UBN1: variants seen among roughly 807,000 people sequenced by gnomAD.
UBN1 encodes ubinuclein-1.
Under a neutral mutation model 108.5 loss-of-function variants are expected in UBN1, and 17 were observed. The observed-to-expected ratio is 0.16, with a 90% CI of 0.11 to 0.24. The LOEUF (loss-of-function observed/expected upper bound fraction) is 0.24. UBN1 is among the 10% of genes least tolerant of loss of function. The probability of loss-of-function intolerance (pLI) is 1.00; values close to 1 mark genes in which losing one functional copy is unlikely to be tolerated. For missense variants in UBN1, 1,595 were observed against 1,394.4 expected (o/e 1.14, Z -2.29); for synonymous variants, 726 against 564.2 (o/e 1.29, Z -4.07).
At chr16:4,856,394 G>A (rs549297245) in intron 2 of UBN1, among the ~76,000 whole-genome samples, 1 of 152,206 alleles carries the variant, frequency 6.6e-6, no homozygotes, top group Non-Finnish European at 1.5e-5. Context: ...TTGTGCAGCA[G>A]TTCTTTTAGT....
Position 4,876,880 on chromosome 16 carries a change from A to C in UBN1, c.3034A>C (p.Ser1012Arg), listed in dbSNP as rs768112665. The C allele has an allele frequency of 1.2e-6, 2 of 1,603,798 alleles. No homozygotes were observed. Among genetic ancestry groups the C allele is most frequent in the Non-Finnish European group, 8.5e-7 (1 of 1,174,348 alleles). Residue 1012 changes from serine to arginine, a missense_variant, in exon 16 of 18, where the codon AGT (serine) becomes CGT (arginine). This residue lies in a region of UBN1 where 1,398 missense variants were observed against 1,194.7 expected (regional missense o/e 1.17). Coordinates refer to ENST00000262376, the MANE Select transcript of UBN1 (RefSeq NM_001079514.3). ...TGTGTTTCTTCCCTAGAAAGGAGCG[A>C]GTGGGACTGTGCTGCTGGCCGGCTC... ...TSSTSLSKGA[S>R]GTVLLAGSSL...
intron 1 of UBN1, among the ~76,000 whole-genome samples, chr16:4,850,036 T>A (rs956886896): frequency 6.6e-6 from 1 of 151,674 alleles, no homozygotes; most frequent in African/African-American, 2.4e-5. Flanking sequence ...AAATGTAAGT[T>A]TTTTTTAAGC....
chr16:4,856,400 T>G (rs1225504923), intron 2 of UBN1, among the ~76,000 whole-genome samples: 1 of 152,228 alleles, frequency 6.6e-6, no homozygotes, highest in Admixed American at 6.5e-5. Context: ...AGCAGTTCTT[T>G]TAGTGTATAG....
intron 14 of UBN1, 149 bp from the exon 15 acceptor site, chr16:4,874,062 C>T: frequency 2.0e-6 from 2 of 995,432 alleles, no homozygotes; most frequent in Non-Finnish European, 2.8e-6. Flanking sequence ...AAGGCGGGCA[C>T]AGCTCCTGCT....
chr16:4,871,481 C>A (rs1463477289), intron 12 of UBN1, among the ~76,000 whole-genome samples, 180 bp downstream of exon 12: 1 of 151,958 alleles, frequency 6.6e-6, no homozygotes, highest in Non-Finnish European at 1.5e-5. Flanking sequence ...CTGGATCTTC[C>A]CTGGAGGAAG....
intron 1 of UBN1, among the ~76,000 whole-genome samples, chr16:4,851,490 T>A (rs749257251): frequency 5.3e-5 from 8 of 151,858 alleles, no homozygotes; most frequent in Non-Finnish European, 7.4e-5. Context: ...TTCTATAAGA[T>A]CTGGTTGGAG....
intron 12 of UBN1, among the ~76,000 whole-genome samples, chr16:4,871,800 A>C (rs558655605): frequency 6.6e-6 from 1 of 151,792 alleles, no homozygotes; most frequent in South Asian, 2.1e-4. Flanking sequence ...GTTAGCCAGG[A>C]TGGTCTCAAT....
At chr16:4,853,474 A>T (rs2086648298) in intron 2 of UBN1, among the ~76,000 whole-genome samples, 1 of 152,098 alleles carries the variant, frequency 6.6e-6, no homozygotes, top group African/African-American at 2.4e-5. Flanking sequence ...TTCATGCTGG[A>T]CATTTTCCTC....
At chr16:4,869,213 GAGA>G (rs1272945911) in intron 8 of UBN1, among the ~76,000 whole-genome samples, 3 of 152,178 alleles carry the variant, frequency 2.0e-5, no homozygotes, top group South Asian at 4.1e-4. Context: ...TGAGGAGAGA[GAGA>G]AGGTGTTGCC....
Position 4,860,786 on chromosome 16 carries a change from A to C in UBN1, c.794A>C (p.Glu265Ala). The C allele has an allele frequency of 6.2e-7, 1 of 1,614,268 alleles. No homozygotes were observed. Among genetic ancestry groups the C allele is most frequent in the Non-Finnish European group, 8.5e-7 (1 of 1,180,054 alleles). The change falls in exon 7 of 18, where the codon GAG becomes GCG. Residue 265 changes from glutamate to alanine, a missense_variant. By Grantham distance (107) the Glu-to-Ala change is moderately radical. This residue lies in a region of UBN1 where 1,398 missense variants were observed against 1,194.7 expected (regional missense o/e 1.17). Transcript: ENST00000262376. ...EKEAQKKREEEHKPVAVPSAE... is the reference protein window; with the variant it reads ...EKEAQKKREEAHKPVAVPSAE... ...GAGGCTCAGAAAAAAAGGGAGGAGGAGCATAAGCCTGTTGCGGTCCCATCA... is the reference window on the plus strand; with the variant it reads ...GAGGCTCAGAAAAAAAGGGAGGAGGCGCATAAGCCTGTTGCGGTCCCATCA...
intron 7 of UBN1, among the ~76,000 whole-genome samples, chr16:4,868,095 G>C (rs2087425560): frequency 6.6e-6 from 1 of 152,168 alleles, no homozygotes; most frequent in African/African-American, 2.4e-5. Context: ...ATTCCAATAT[G>C]CAACCAAGTG....
At chr16:4,849,667 C>G (rs2086443796) in intron 1 of UBN1, among the ~76,000 whole-genome samples, 1 of 151,668 alleles carries the variant, frequency 6.6e-6, no homozygotes, top group Non-Finnish European at 1.5e-5. Context: ...TCACGGCTCA[C>G]TGCAGCCTGG....
Position 4,877,106 on chromosome 16 carries a change from G to A in UBN1, c.3260G>A (p.Gly1087Asp). ...PAPGSFHHGL[G>D]HSLLAGLHSS... ...CCCGGGTCCTTCCACCATGGCCTTGGCCACAGTAAGTGCTTCTTTGCTGCC... is the reference window on the plus strand; with the variant it reads ...CCCGGGTCCTTCCACCATGGCCTTGACCACAGTAAGTGCTTCTTTGCTGCC... The change falls in exon 16 of 18, where the codon GGC (glycine) becomes GAC (aspartate). Residue 1087 changes from glycine to aspartate, a missense_variant. Around this residue, in one of 3 missense-constraint regions of UBN1, gnomAD observed 1,398 missense variants for 1,194.7 expected, o/e 1.17. Transcript: ENST00000262376. This position sits in a 1 kb window ranked among gnomAD's most constrained non-coding sequence, Gnocchi z 4.3. 6.2e-7 allele frequency: 1 copy of A among 1,607,790 alleles called. No individual in the cohort carries two copies. The highest frequency in any genetic ancestry group is 8.5e-7 in the Non-Finnish European group (1 of 1,177,204).
At chr16:4,879,571 C>G (rs1001750257) in intron 17 of UBN1, among the ~76,000 whole-genome samples, 2 of 152,236 alleles carry the variant, frequency 1.3e-5, no homozygotes, top group African/African-American at 4.8e-5. Flanking sequence ...TGGACTTCAG[C>G]TTATAGGATG....
At chr16:4,856,128 G>T (rs1472613399) in intron 2 of UBN1, among the ~76,000 whole-genome samples, 1 of 152,180 alleles carries the variant, frequency 6.6e-6, no homozygotes, top group Non-Finnish European at 1.5e-5. Context: ...GAAGAGACAG[G>T]AGCAGGAGTT....
rs771601227 is a variant in UBN1, at chr16:4,876,835, C to T, written c.3025-36C>T. 1.9e-6 allele frequency: 3 copies of T among 1,551,134 alleles called. No homozygotes were observed. The African/African-American group carries it at 4.1e-5, about 21-fold the overall frequency. ...TGGTGTGAGTGAGCCACGAACAGGA[C>T]TGGAGTTCTTACCGCTTGCTGTGTT... On this transcript the variant is annotated intron_variant, in intron 15 of 17. Coordinates refer to ENST00000262376, the MANE Select transcript of UBN1 (RefSeq NM_001079514.3).
rs765394860 is a variant in UBN1, at chr16:4,870,588, A to C, written c.1384A>C (p.Lys462Gln). Reference protein sequence around the residue: ...IGRAMPEQMAKYQDECQAHTQ... With the variant: ...IGRAMPEQMAQYQDECQAHTQ... ...CAGGGCGATGCCAGAGCAGATGGCC[A>C]AGTACCAGGACGAATGCCAGGCACA... Residue 462 changes from lysine (K) to glutamine (Q), a missense_variant, in exon 10 of 18, where the codon AAG (lysine) becomes CAG (glutamine). By Grantham distance (53) the Lys-to-Gln change is moderately conservative. Around this residue, in one of 3 missense-constraint regions of UBN1, gnomAD observed 1,398 missense variants for 1,194.7 expected, o/e 1.17. Coordinates refer to ENST00000262376, the MANE Select transcript of UBN1 (RefSeq NM_001079514.3). 2 of 1,614,260 alleles carry C rather than the reference A, an allele frequency of 1.2e-6. No homozygotes were observed. The highest frequency in any genetic ancestry group is 2.2e-5 in the South Asian group (2 of 91,088).
intron 7 of UBN1, among the ~76,000 whole-genome samples, chr16:4,868,235 C>T (rs756783996): frequency 7.9e-5 from 12 of 152,070 alleles, no homozygotes; most frequent in East Asian, 1.9e-4. Flanking sequence ...GTGTTCTTTT[C>T]GAAAGCAAAC....
rs1029407006 is a variant in UBN1 at position 4,860,892 on chromosome 16, C to T, written c.900C>T (p.Asp300=). The T allele has an allele frequency of 6.2e-7, 1 of 1,614,248 alleles. No individual in the cohort carries two copies. Among genetic ancestry groups the T allele is most frequent in the Admixed American group, 1.7e-5 (1 of 60,032 alleles). Residue 300 remains aspartate (D), a synonymous_variant, in exon 7 of 18, where the codon GAC becomes GAT. Coordinates refer to ENST00000262376, the MANE Select transcript of UBN1 (RefSeq NM_001079514.3). ...TCTTTGGCTCTACTTCTGACAACGA[C>T]TTGCTCCAGGCGGCCACTGCCATGG... ...LSLFGSTSDN[D]LLQAATAMDS...
Sources: allele counts gnomAD v4.1 joint callset (sites outside exome capture counted in the v4.1 genomes callset), GRCh38; gene constraint gnomAD v4.1.1; regional missense constraint gnomAD v4.1.1; non-coding constraint Gnocchi (gnomAD v3.1); transcripts MANE v1.5; gene names NCBI Gene and HGNC (gene_info 2026-07-23, HGNC 2026-07-21).